SRP72: variants seen among roughly 807,000 people sequenced by gnomAD.
The protein encoded by SRP72 is signal recognition particle subunit SRP72.
SRP72 carries 49 observed loss-of-function variants against 96.3 expected under a neutral mutation model. That is an observed-to-expected ratio of 0.51 (90% confidence interval 0.40 to 0.65). The LOEUF is 0.65. Ranked by LOEUF, SRP72 falls within the 30% of genes least tolerant of loss-of-function variation. The pLI, the probability that SRP72 is intolerant of heterozygous loss-of-function variation, is 0.00. For synonymous variants in SRP72, 267 were observed against 275.2 expected (o/e 0.97, Z 0.30); for missense variants, 736 against 793.3 (o/e 0.93, Z 0.87).
At chr4:56,469,874 C>A in intron 2 of SRP72, 101 bp downstream of exon 2, 1 of 1,154,126 alleles carries the variant, frequency 8.7e-7, no homozygotes, top group Non-Finnish European at 1.1e-6. Flanking sequence ...TTTTTTTTAA[C>A]GTTTTTTTCC....
At chr4:56,473,626 A>AT (rs1374079712) in intron 3 of SRP72, among the ~76,000 whole-genome samples, 1 of 146,118 alleles carries the variant, frequency 6.8e-6, no homozygotes, top group African/African-American at 2.6e-5. Context: ...TTAGCCAGGC[A>AT]TGGTGGCGCA....
intron 2 of SRP72, 21 bp downstream of exon 2, chr4:56,469,794 C>T (rs751578272): frequency 6.3e-7 from 1 of 1,581,274 alleles, no homozygotes. Flanking sequence ...CAGTTAGTTG[C>T]TTGTACAGTT....
intron 17 of SRP72, among the ~76,000 whole-genome samples, chr4:56,496,951 G>A (rs1003050264): frequency 7.9e-5 from 12 of 151,936 alleles, no homozygotes; most frequent in African/African-American, 2.7e-4. Context: ...ATTGCGTCAC[G>A]GCACTCCAGC....
rs111673705 is a variant in SRP72, at chr4:56,467,693, C to T, written c.58C>T (p.Arg20Trp). The T allele has an allele frequency of 4.1e-3, 6,349 of 1,554,546 alleles. 20 individuals are homozygous for T. The highest frequency in any genetic ancestry group is 4.9e-3 in the Non-Finnish European group (5,687 of 1,152,036). ...SVPALWSEVN[R>W]YGQNGDFTRA... Reference sequence around the variant, plus strand: ...ACCTGCGCTGTGGAGTGAAGTGAACCGGTATGGCCAGAACGGCGACTTCAC... The same window carrying T: ...ACCTGCGCTGTGGAGTGAAGTGAACTGGTATGGCCAGAACGGCGACTTCAC... Residue 20 changes from arginine to tryptophan, a missense_variant, in exon 1 of 19, where the codon CGG (arginine) becomes TGG (tryptophan). Coordinates refer to ENST00000642900, the MANE Select transcript of SRP72 (RefSeq NM_006947.4).
rs1304049493 is a variant in SRP72, at chr4:56,476,386, A to AT, written c.611-280dup. 4.6e-5 allele frequency: 19 copies of AT among 413,216 alleles called. No homozygotes were observed. The East Asian group carries it at 4.8e-4, about 10-fold the overall frequency. 25.6% of individuals were successfully genotyped at this position (413,216 alleles called of 1,614,324 possible). Reference sequence around the variant, plus strand: ...TTATTTTTATACTTTTCTATAATTGATTTTTCGCAATTAATATTTACTACA... The same window carrying AT: ...TTATTTTTATACTTTTCTATAATTGATTTTTTCGCAATTAATATTTACTACA... On this transcript the variant is annotated intron_variant, in intron 5 of 18. Coordinates refer to ENST00000642900, the MANE Select transcript of SRP72 (RefSeq NM_006947.4).
rs12513091 is a variant in SRP72, at chr4:56,467,656, G to A, written c.21G>A (p.Gly7=). MASGGS[G]GVSVPALWSE... ...CCAAGATGGCGAGCGGCGGCAGCGG[G>A]GGGGTGTCAGTACCTGCGCTGTGGA... Residue 7 remains glycine, a synonymous_variant, in exon 1 of 19, where the codon GGG becomes GGA. Coordinates refer to ENST00000642900, the MANE Select transcript of SRP72 (RefSeq NM_006947.4). 51 of 1,556,856 alleles carry A rather than the reference G, an allele frequency of 3.3e-5. No homozygotes were observed. Among genetic ancestry groups the A allele is most frequent in the Non-Finnish European group, 4.1e-5 (47 of 1,153,718 alleles).
Position 56,484,802 on chromosome 4 carries a change from T to C in SRP72, c.1024T>C (p.Leu342=), listed in dbSNP as rs1253501236. ...SQSPEHLLPV[L]IQAAQLCREK... Reference sequence around the variant, plus strand: ...AAGTCCCGAGCATCTCTTACCTGTGTTAATCCAAGCTGCCCAGCTCTGCCG... The same window carrying C: ...AAGTCCCGAGCATCTCTTACCTGTGCTAATCCAAGCTGCCCAGCTCTGCCG... The change falls in exon 10 of 19, where the codon TTA becomes CTA. Residue 342 remains leucine (L), a synonymous_variant. Transcript: ENST00000642900. The C allele has an allele frequency of 1.7e-5, 28 of 1,614,216 alleles. No individual in the cohort carries two copies. Among genetic ancestry groups the C allele is most frequent in the Non-Finnish European group, 2.4e-5 (28 of 1,180,046 alleles).
At chr4:56,475,407 T>G (rs1424764448) in intron 5 of SRP72, among the ~76,000 whole-genome samples, 1 of 151,010 alleles carries the variant, frequency 6.6e-6, no homozygotes, top group Non-Finnish European at 1.5e-5. Flanking sequence ...AAAAAAAATA[T>G]ATATGTGGCC....
At chr4:56,476,402 A>T in intron 5 of SRP72, 4 of 445,846 alleles carry the variant, frequency 9.0e-6, no homozygotes, top group Non-Finnish European at 1.6e-5. Context: ...CGCAATTAAT[A>T]TTTACTACAT....
At chr4:56,470,537 C>CAAA (rs753714537) in intron 2 of SRP72, among the ~76,000 whole-genome samples, 2 of 129,816 alleles carry the variant, frequency 1.5e-5, no homozygotes, top group Admixed American at 7.5e-5. Flanking sequence ...GACTCCGTCT[C>CAAA]AAAAAAAAAA....
chr4:56,499,692 G>A (rs1410811132), intron 17 of SRP72, among the ~76,000 whole-genome samples: 2 of 152,054 alleles, frequency 1.3e-5, no homozygotes, highest in Non-Finnish European at 2.9e-5. Context: ...TTAGAATGGC[G>A]ATCATTAAAA....
At position 56,501,684 on chromosome 4, in the gene SRP72, G is replaced by A. The variant is rs184026875; in HGVS notation, c.1839G>A (p.Leu613=). Residue 613 remains leucine, a splice_region_variant and synonymous_variant, in exon 19 of 19, where the codon CTG becomes CTA. Transcript: ENST00000642900. ...QGATAGASSE[L]DASKTVSSPP... ...ACCAAAAATGATCTGATGATTTCAG[G>A]GATGCCAGTAAAACTGTGAGCAGCC... 1 of 1,612,158 alleles carries A rather than the reference G, an allele frequency of 6.2e-7. No individual in the cohort carries two copies. Among genetic ancestry groups the A allele is most frequent in the South Asian group, 1.1e-5 (1 of 90,640 alleles).
At chr4:56,482,928 A>G (rs577339414) in intron 8 of SRP72, among the ~76,000 whole-genome samples, 2 of 152,340 alleles carry the variant, frequency 1.3e-5, no homozygotes, top group Non-Finnish European at 2.9e-5. Context: ...CTATATGTAC[A>G]TGAGTAGATT....
intron 1 of SRP72, among the ~76,000 whole-genome samples, chr4:56,467,946 C>A (rs12505749): frequency 1.3e-5 from 2 of 152,284 alleles, no homozygotes; most frequent in South Asian, 4.1e-4. Flanking sequence ...AGCCTGGGGT[C>A]CCTGGTTGCT....
intron 6 of SRP72, chr4:56,477,299 C>CTTTTTTTTTTT (rs1720276211): frequency 2.3e-4 from 22 of 97,302 alleles, no homozygotes; most frequent in African/African-American, 7.3e-4. Flanking sequence ...CTCTCTCTCT[C>CTTTTTTTTTTT]TCTTTTTTTT....
At chr4:56,468,486 C>T (rs1719838147) in intron 1 of SRP72, among the ~76,000 whole-genome samples, 1 of 151,868 alleles carries the variant, frequency 6.6e-6, no homozygotes, top group Non-Finnish European at 1.5e-5. Context: ...GGAATATGGC[C>T]ATGCTGCTTA....
chr4:56,483,417 T>C, intron 9 of SRP72, 147 bp downstream of exon 9: 1 of 740,736 alleles, frequency 1.4e-6, no homozygotes, highest in Admixed American at 3.4e-5. Context: ...CCTCAAAATA[T>C]TATATATATT....
Position 56,503,226 on chromosome 4 carries a change from T to TAA in SRP72, c.*1369_*1370dup, listed in dbSNP as rs902746421. ...GGCATCTAAAGAGATCTTTTTTAAA[T>TAA]AAAAATTATGTATTGTGGCATAATC... On this transcript the variant is annotated 3_prime_UTR_variant, in exon 19 of 19. Coordinates refer to ENST00000642900, the MANE Select transcript of SRP72 (RefSeq NM_006947.4). 1 of 152,222 alleles carries TAA rather than the reference T, an allele frequency of 6.6e-6. No individual in the cohort carries two copies. The allele number at this position is 152,222 out of a possible 1,614,324, so 9.4% of individuals were successfully genotyped here.
In SRP72 at chr4:56,474,465, TTG is replaced by T. The variant is rs752365125; in HGVS notation, c.610+75_610+76del. On this transcript the variant is annotated intron_variant, in intron 5 of 18. Coordinates refer to ENST00000642900, the MANE Select transcript of SRP72 (RefSeq NM_006947.4). ...TGTAGAGTATCTTCTAAAATTGCATTTGACTTCTGTGAAATTATTAAATGGAA... is the reference window on the plus strand; with the variant it reads ...TGTAGAGTATCTTCTAAAATTGCATTACTTCTGTGAAATTATTAAATGGAA... The T allele has an allele frequency of 1.3e-3, 1,694 of 1,265,544 alleles. 1 individual carries two copies. Among genetic ancestry groups the T allele is most frequent in the Non-Finnish European group, 1.7e-3 (1,577 of 904,460 alleles). The allele number at this position is 1,265,544 out of a possible 1,614,324, so 78.4% of individuals were successfully genotyped here.
Sources: gnomAD v4.1 joint callset for allele counts (sites outside exome capture counted in the v4.1 genomes callset) on GRCh38, gnomAD v4.1.1 for gene constraint, MANE v1.5 for transcripts, NCBI Gene and HGNC (gene_info 2026-07-23, HGNC 2026-07-21) for gene names.